The following BANP variants were observed in gnomAD, a reference collection of about 807,000 sequenced individuals.
BANP encodes BTG3 associated nuclear protein, also known as protein BANP.
In BANP, 11 loss-of-function variants were observed where a neutral mutation model predicts 68.1. The ratio of observed to expected loss-of-function variants is 0.16; its 90% CI spans 0.10 to 0.27. The LOEUF (loss-of-function observed/expected upper bound fraction) is 0.27, where lower values mean the gene tolerates loss of function less well. Ranked by LOEUF, BANP falls within the 10% of genes least tolerant of loss-of-function variation. The probability of loss-of-function intolerance (pLI) is 1.00; values close to 1 mark genes in which losing one functional copy is unlikely to be tolerated. For missense variants in BANP, 504 were observed against 722.7 expected (o/e 0.70, Z 3.47); for synonymous variants, 329 against 303.2 (o/e 1.09, Z -0.88).
chr16:87,956,420 A>T (rs1309450388), intron 1 of BANP, among the ~76,000 whole-genome samples: 2 of 152,224 alleles, frequency 1.3e-5, no homozygotes, highest in Non-Finnish European at 2.9e-5. Flanking sequence ...GCATGACATC[A>T]TCTGACTTGG....
rs555362505 is a variant in BANP, at chr16:87,973,476, T to C, written c.-68-1572T>C. The stretch of plus-strand genomic sequence containing the variant: ...TGTTATCCCCAAGAAATTCTAGAGC[T>C]GAGGCCGGGCGCGGTGGCTCACGCC... On this transcript the variant is annotated intron_variant, in intron 1 of 13. Transcript: ENST00000682872. 5.1e-4 allele frequency among the ~76,000 whole-genome samples: 78 copies of C among 152,308 alleles called. 2 individuals are homozygous for C. The South Asian group carries it at 0.016, about 31-fold the overall frequency.
intron 11 of BANP, among the ~76,000 whole-genome samples, chr16:88,054,746 A>G (rs1269058838): frequency 1.3e-5 from 2 of 152,206 alleles, no homozygotes; most frequent in African/African-American, 2.4e-5. Flanking sequence ...ATATTTATGG[A>G]GGGTCAGTGG....
chr16:88,040,638 C>G (rs923695306), intron 11 of BANP, among the ~76,000 whole-genome samples: 1 of 152,234 alleles, frequency 6.6e-6, no homozygotes, highest in Non-Finnish European at 1.5e-5. Flanking sequence ...AGGTCTAGGG[C>G]TCTCTCTTCT....
At chr16:88,017,598 G>C (rs1567762988) in intron 6 of BANP, among the ~76,000 whole-genome samples, 1 of 152,252 alleles carries the variant, frequency 6.6e-6, no homozygotes, top group African/African-American at 2.4e-5. Flanking sequence ...GAAGCTGAGA[G>C]CCCACGCTTG....
chr16:88,034,887 G>A (rs2078978839), intron 9 of BANP, among the ~76,000 whole-genome samples: 4 of 152,244 alleles, frequency 2.6e-5, no homozygotes, highest in African/African-American at 9.6e-5. Flanking sequence ...AATATTAGAT[G>A]AGAAACTCCA....
At chr16:87,989,651 T>G (rs1354924321) in intron 4 of BANP, among the ~76,000 whole-genome samples, 2 of 73,928 alleles carry the variant, frequency 2.7e-5, no homozygotes, top group African/African-American at 6.2e-5. Flanking sequence ...ACAGGGCGGG[T>G]GATGGGGGAT....
intron 7 of BANP, among the ~76,000 whole-genome samples, chr16:88,019,745 G>C (rs897741116): frequency 4.0e-5 from 6 of 151,814 alleles, no homozygotes; most frequent in African/African-American, 1.5e-4. Context: ...TGCAGGGCCA[G>C]CTGTTCCAGC....
chr16:88,014,755 G>C (rs2074072316), intron 6 of BANP, among the ~76,000 whole-genome samples: 1 of 152,050 alleles, frequency 6.6e-6, no homozygotes, highest in Non-Finnish European at 1.5e-5. Context: ...GGTGGCTCAG[G>C]ATGCTGCTGC....
At chr16:87,974,181 C>T (rs561141302) in intron 1 of BANP, among the ~76,000 whole-genome samples, 21 of 152,368 alleles carry the variant, frequency 1.4e-4, no homozygotes, top group African/African-American at 5.1e-4. Flanking sequence ...TGGTCACATT[C>T]ATTCCTCATT....
At chr16:87,953,105 G>T (rs2057313732) in intron 1 of BANP, among the ~76,000 whole-genome samples, 1 of 151,988 alleles carries the variant, frequency 6.6e-6, no homozygotes, top group Admixed American at 6.6e-5. Flanking sequence ...CTTTATAGAT[G>T]AGGTGACTAG....
rs543875372 is a variant in BANP at position 87,972,077 on chromosome 16, G to A, written c.-68-2971G>A. Among the ~76,000 whole-genome samples the A allele has an allele frequency of 3.3e-5, 5 of 152,322 alleles. No homozygotes were observed. In the South Asian group the frequency reaches 8.3e-4, roughly 25 times the overall value. Reference sequence around the variant, plus strand: ...CAAAGTATTGGGATTACAGGCATGAGCCACTGTGCCTGGCCAGTTTTCATC... The same window carrying A: ...CAAAGTATTGGGATTACAGGCATGAACCACTGTGCCTGGCCAGTTTTCATC... On this transcript the variant is annotated intron_variant, in intron 1 of 13. Coordinates refer to ENST00000682872, the MANE Select transcript of BANP (RefSeq NM_001386991.1).
rs2069929734 is a variant in BANP at position 88,003,134 on chromosome 16, A to G, written c.363-1161A>G. Among the ~76,000 whole-genome samples, 1 of 152,188 alleles carries G rather than the reference A, an allele frequency of 6.6e-6. No homozygotes were observed. Among genetic ancestry groups the G allele is most frequent in the African/African-American group, 2.4e-5 (1 of 41,436 alleles). On this transcript the variant is annotated intron_variant, in intron 4 of 13. Transcript: ENST00000682872. This position sits in a 1 kb window ranked among gnomAD's most constrained non-coding sequence, Gnocchi z 6.1. ...AAAAGCCACCTGGGTTACTTTCCAT[A>G]CCTGACCTATAGGTCATTTGTCAGG... is the stretch of plus-strand genomic sequence containing the variant.
At chr16:87,956,287 T>G (rs1453336712) in intron 1 of BANP, among the ~76,000 whole-genome samples, 1 of 152,234 alleles carries the variant, frequency 6.6e-6, no homozygotes. Flanking sequence ...AAGGAAAGAC[T>G]TCTTGGGGAA....
chr16:88,030,765 C>T (rs562748261), intron 8 of BANP, among the ~76,000 whole-genome samples: 33 of 152,198 alleles, frequency 2.2e-4, no homozygotes, highest in Admixed American at 1.1e-3. Flanking sequence ...TTGCAAGGTG[C>T]ACTCTGGAGC....
chr16:88,053,274 C>G (rs1214991133), intron 11 of BANP, among the ~76,000 whole-genome samples: 1 of 151,698 alleles, frequency 6.6e-6, no homozygotes, highest in Non-Finnish European at 1.5e-5. Context: ...TCACTATCAT[C>G]ACCGTCACCA....
At chr16:87,963,669 C>A (rs921598294) in intron 1 of BANP, among the ~76,000 whole-genome samples, 4 of 152,206 alleles carry the variant, frequency 2.6e-5, no homozygotes, top group Non-Finnish European at 5.9e-5. Flanking sequence ...CGGGAAAAAA[C>A]CCGTTACGTT....
chr16:88,053,710 AT>A, intron 11 of BANP, among the ~76,000 whole-genome samples: 1 of 150,114 alleles, frequency 6.7e-6, no homozygotes, highest in African/African-American at 2.5e-5. Flanking sequence ...CATCATCATC[AT>A]CACCAACACA....
chr16:87,951,983 T>C (rs1038717495), intron 1 of BANP, among the ~76,000 whole-genome samples: 7 of 152,024 alleles, frequency 4.6e-5, no homozygotes, highest in Non-Finnish European at 1.0e-4. Context: ...TCCGTGGCTG[T>C]GGACCGGAGC....
chr16:88,061,204 A>G (rs1249034032), intron 11 of BANP, among the ~76,000 whole-genome samples: 1 of 152,148 alleles, frequency 6.6e-6, no homozygotes, highest in African/African-American at 2.4e-5. Context: ...GCTTGCCACA[A>G]GGCACCTTTG....
Sources: allele counts gnomAD v4.1 joint callset (sites outside exome capture counted in the v4.1 genomes callset), GRCh38; gene constraint gnomAD v4.1.1; non-coding constraint Gnocchi (gnomAD v3.1); transcripts MANE v1.5; gene names NCBI Gene and HGNC (gene_info 2026-07-23, HGNC 2026-07-21).